Variants in ACTN4 observed in about 807,000 individuals in gnomAD.
ACTN4 encodes the protein alpha-actinin-4.
ACTN4 carries 18 observed loss-of-function variants against 114.2 expected under a neutral mutation model. That is an observed-to-expected ratio of 0.16 (90% CI 0.11 to 0.23). The LOEUF is 0.23. Among genes scored for constraint, ACTN4 ranks in the 10% least tolerant of loss-of-function variants. The probability of loss-of-function intolerance (pLI) is 1.00; values close to 1 mark genes in which losing one functional copy is unlikely to be tolerated. For missense variants in ACTN4, 722 were observed against 1,262.9 expected (o/e 0.57, Z 6.49); for synonymous variants, 515 against 506.3 (o/e 1.02, Z -0.23).
intron 1 of ACTN4, among the ~76,000 whole-genome samples, chr19:38,653,786 T>C (rs1346214963): frequency 6.6e-6 from 1 of 152,216 alleles, no homozygotes; most frequent in African/African-American, 2.4e-5. Context: ...TTTCTTTTTT[T>C]ATGGAAATAA....
chr19:38,721,534 C>T lies in ACTN4; in HGVS notation c.1292-4C>T. ...TGGTCTAAGCGTCTCTCTGCTCCTA[C>T]CAGGGAAGGAAGCCATGCTGAAGCA... On this transcript the variant is annotated splice_region_variant and splice_polypyrimidine_tract_variant and intron_variant, in intron 11 of 20. Transcript: ENST00000252699. 1 of 1,613,868 alleles carries T rather than the reference C, an allele frequency of 6.2e-7. No homozygotes were observed. Among genetic ancestry groups the T allele is most frequent in the East Asian group, 2.2e-5 (1 of 44,888 alleles).
chr19:38,686,965 C>CT (rs34122839), intron 1 of ACTN4, among the ~76,000 whole-genome samples: 50,443 of 137,956 alleles, frequency 0.37, 10,447 homozygotes, highest in Non-Finnish European at 0.46. Flanking sequence ...GGCAGAGTCT[C>CT]TTTTTTTTTT....
At chr19:38,708,246 C>A in intron 6 of ACTN4, 51 bp downstream of exon 6, 1 of 1,588,126 alleles carries the variant, frequency 6.3e-7, no homozygotes, top group Non-Finnish European at 8.6e-7. Context: ...CCTGTCTGAC[C>A]CCCTAACTCC....
At chr19:38,679,771 C>G (rs1967497526) in intron 1 of ACTN4, among the ~76,000 whole-genome samples, 1 of 152,076 alleles carries the variant, frequency 6.6e-6, no homozygotes, top group African/African-American at 2.4e-5. Context: ...GCTGGGATTA[C>G]AAGTGTGAGC....
intron 1 of ACTN4, among the ~76,000 whole-genome samples, chr19:38,677,437 C>T (rs1337660498): frequency 6.6e-6 from 1 of 152,114 alleles, no homozygotes; most frequent in African/African-American, 2.4e-5. Flanking sequence ...ATGGAGACAT[C>T]ACTTGTCGAG....
chr19:38,705,673 G>A (rs893611397), intron 4 of ACTN4, among the ~76,000 whole-genome samples: 3 of 152,228 alleles, frequency 2.0e-5, no homozygotes, highest in Non-Finnish European at 4.4e-5. Context: ...AGAGGCCAAG[G>A]CCGGTATCAA....
intron 1 of ACTN4, among the ~76,000 whole-genome samples, chr19:38,674,399 G>T (rs1967308882): frequency 6.6e-6 from 1 of 152,188 alleles, no homozygotes; most frequent in Admixed American, 6.5e-5. Context: ...TGAGAGCTTT[G>T]ATTCTACAAA....
intron 3 of ACTN4, 120 bp from the exon 4 acceptor site, chr19:38,704,814 C>T: frequency 1.2e-6 from 1 of 833,078 alleles, no homozygotes; most frequent in African/African-American, 1.7e-5. Flanking sequence ...GGAGATGCAA[C>T]CAGGGGGTGG....
intron 11 of ACTN4, 188 bp downstream of exon 11, chr19:38,718,262 C>T (rs1381280673): frequency 2.0e-6 from 2 of 1,025,626 alleles, no homozygotes; most frequent in East Asian, 2.6e-5. Flanking sequence ...TTCAGTGGCT[C>T]ACACCTGTAA....
chr19:38,676,460 A>G (rs1967377549), intron 1 of ACTN4, among the ~76,000 whole-genome samples: 1 of 152,214 alleles, frequency 6.6e-6, no homozygotes, highest in Admixed American at 6.5e-5. Context: ...TGTGTTGTAT[A>G]GCAGTGTCCT....
rs150545175 is a variant in ACTN4, at chr19:38,667,313, G to T, written c.162+19406G>T. On this transcript the variant is annotated intron_variant, in intron 1 of 20. Coordinates refer to ENST00000252699, the MANE Select transcript of ACTN4 (RefSeq NM_004924.6). ...CAAGCCTCTGGCCTTGGGGCGAGGA[G>T]AGTTGGTGGGATTAAAAAATGAGTG... 4.2e-3 allele frequency among the ~76,000 whole-genome samples: 634 copies of T among 152,242 alleles called. 5 individuals are homozygous for T. The highest frequency in any genetic ancestry group is 0.014 in the African/African-American group (585 of 41,546).
At chr19:38,662,238 CAAG>C (rs974721847) in intron 1 of ACTN4, among the ~76,000 whole-genome samples, 1 of 152,172 alleles carries the variant, frequency 6.6e-6, no homozygotes, top group Non-Finnish European at 1.5e-5. Context: ...GGCTTTTACT[CAAG>C]GAGGGAGGAA....
chr19:38,677,731 T>C (rs372397877), intron 1 of ACTN4, among the ~76,000 whole-genome samples: 2 of 152,216 alleles, frequency 1.3e-5, no homozygotes, highest in East Asian at 3.8e-4. Flanking sequence ...CAGGATGCGA[T>C]GCTTTTCTTT....
chr19:38,678,804 C>T (rs1014637232), intron 1 of ACTN4, among the ~76,000 whole-genome samples: 6 of 152,166 alleles, frequency 3.9e-5, no homozygotes, highest in Non-Finnish European at 2.9e-5. Flanking sequence ...TGGGACCTCG[C>T]TCTGTTCGGA....
At position 38,730,563 on chromosome 19, in the gene ACTN4, TGTGTCTGTCCTCCACC is replaced by T. The variant is rs1969506519; in HGVS notation, c.*1132_*1147del. The T allele has an allele frequency of 7.9e-6, 4 of 509,256 alleles. No individual in the cohort carries two copies. Among genetic ancestry groups the T allele is most frequent in the Middle Eastern group, 5.1e-4 (1 of 1,946 alleles). 31.5% of individuals were successfully genotyped at this position (509,256 alleles called of 1,614,324 possible). A position where few individuals can be genotyped will look rare whatever the true frequency, so the allele number is the denominator to read the frequency against. The stretch of plus-strand genomic sequence containing the variant: ...CAGCATCATCTTTTTTTATTTCTCC[TGTGTCTGTCCTCCACC>T]TTCTAGGAGAGCCAGGGCAGAGCTA... On this transcript the variant is annotated 3_prime_UTR_variant, in exon 21 of 21. Coordinates refer to ENST00000252699, the MANE Select transcript of ACTN4 (RefSeq NM_004924.6).
intron 1 of ACTN4, among the ~76,000 whole-genome samples, chr19:38,692,696 A>G (rs946252790): frequency 5.3e-5 from 8 of 152,216 alleles, no homozygotes; most frequent in Non-Finnish European, 1.0e-4. Flanking sequence ...AGGTCTGGCA[A>G]TAGCCTGCCA....
chr19:38,657,039 A>AATC (rs1730237463), intron 1 of ACTN4, among the ~76,000 whole-genome samples: 1 of 150,982 alleles, frequency 6.6e-6, no homozygotes, highest in South Asian at 2.1e-4. Flanking sequence ...GCAGTGGCCT[A>AATC]ATCATAACTC....
chr19:38,722,076 C>T (rs1969064147), intron 12 of ACTN4, among the ~76,000 whole-genome samples: 1 of 152,236 alleles, frequency 6.6e-6, no homozygotes, highest in Admixed American at 6.5e-5. Context: ...AACCAGGCTG[C>T]ACAGTGAGCC....
chr19:38,717,320 A>G lies in ACTN4; in HGVS notation c.1143+4A>G. The G allele has an allele frequency of 3.7e-6, 6 of 1,613,254 alleles. No homozygotes were observed. The highest frequency in any genetic ancestry group is 5.1e-6 in the Non-Finnish European group (6 of 1,179,746). ...CTCCGAGGGCAAGATGGTCTCGGTGAGCACCAGGATTCACATGGGAGCAGC... is the reference window on the plus strand; with the variant it reads ...CTCCGAGGGCAAGATGGTCTCGGTGGGCACCAGGATTCACATGGGAGCAGC... On this transcript the variant is annotated splice_donor_region_variant and intron_variant, in intron 10 of 20. Transcript: ENST00000252699. This position sits in a 1 kb window ranked among gnomAD's most constrained non-coding sequence, Gnocchi z 4.0.
Sources: gnomAD v4.1 joint callset for allele counts (sites outside exome capture counted in the v4.1 genomes callset) on GRCh38, gnomAD v4.1.1 for gene constraint, Gnocchi (gnomAD v3.1) non-coding constraint, MANE v1.5 for transcripts, NCBI Gene and HGNC (gene_info 2026-07-23, HGNC 2026-07-21) for gene names.